Variants in WDFY1 observed in about 807,000 individuals in gnomAD.
WDFY1 encodes the protein WD repeat and FYVE domain-containing protein 1.
Under a neutral mutation model 56.4 loss-of-function variants are expected in WDFY1, and 32 were observed. That is an observed-to-expected ratio of 0.57 (90% CI 0.43 to 0.76). The LOEUF (loss-of-function observed/expected upper bound fraction) is 0.76, where lower values mean the gene tolerates loss of function less well. Among genes scored for constraint, WDFY1 ranks in the 30% least tolerant of loss-of-function variants. The pLI is 0.00. For synonymous variants in WDFY1, 192 were observed against 197.3 expected (o/e 0.97, Z 0.23); for missense variants, 480 against 545.7 (o/e 0.88, Z 1.20).
rs1177844633 is a variant in WDFY1 at position 223,888,094 on chromosome 2, T to C, written c.832-3345A>G. Among the ~76,000 whole-genome samples, 3 of 152,180 alleles carry C rather than the reference T, an allele frequency of 2.0e-5. No homozygotes were observed. The East Asian group carries it at 5.8e-4, about 29-fold the overall frequency. ...TAAATTACATTAAATTTACACTTTT[T>C]TTTTTGAGACAGGGTCTCGCTTTGT... On this transcript the variant is annotated intron_variant, in intron 8 of 11. Transcript: ENST00000233055.
chr2:223,894,643 A>G (rs1049932203), intron 7 of WDFY1, among the ~76,000 whole-genome samples: 4 of 152,210 alleles, frequency 2.6e-5, no homozygotes, highest in African/African-American at 7.2e-5. Context: ...TTTCAGATGC[A>G]TAAGATTTAC....
chr2:223,897,351 C>CATATATATATATATAT (rs1194128689), intron 6 of WDFY1, among the ~76,000 whole-genome samples: 6 of 53,676 alleles, frequency 1.1e-4, no homozygotes, highest in East Asian at 5.7e-4. Context: ...CTAAATTTCG[C>CATATATATATATATAT]ATATATATAT....
intron 8 of WDFY1, among the ~76,000 whole-genome samples, chr2:223,888,750 C>G (rs532304408): frequency 1.3e-5 from 2 of 151,218 alleles, no homozygotes. Context: ...CCACACCCAG[C>G]TATTTTTTTG....
rs1001730165 is a variant in WDFY1, at chr2:223,907,287, T to C, written c.280-1286A>G. On this transcript the variant is annotated intron_variant, in intron 3 of 11. Coordinates refer to ENST00000233055, the MANE Select transcript of WDFY1 (RefSeq NM_020830.5). Reference sequence around the variant, plus strand: ...CCACCGTGCCCAGCCAAGAATACTATTATTGATCAATGCTAAATTGACATG... The same window carrying C: ...CCACCGTGCCCAGCCAAGAATACTACTATTGATCAATGCTAAATTGACATG... Among the ~76,000 whole-genome samples, 7 of 152,258 alleles carry C rather than the reference T, an allele frequency of 4.6e-5. 1 individual carries two copies. The South Asian group carries it at 1.5e-3, about 32-fold the overall frequency.
At chr2:223,943,262 G>C (rs968798548) in intron 1 of WDFY1, among the ~76,000 whole-genome samples, 5 of 150,858 alleles carry the variant, frequency 3.3e-5, no homozygotes, top group Non-Finnish European at 5.9e-5. Context: ...TCATGCACTC[G>C]ATCTCTCTCA....
chr2:223,905,961 A>G lies in WDFY1; in HGVS notation c.320T>C (p.Ile107Thr). The change falls in exon 4 of 12, where the codon ATC becomes ACC. Residue 107 changes from isoleucine to threonine, a missense_variant. Coordinates refer to ENST00000233055, the MANE Select transcript of WDFY1 (RefSeq NM_020830.5). ...VSEDFNKMNF[I>T]KTYPAHQNRV... ...ATTATAATTACCTGGGTAGGTCTTG[A>G]TAAAGTTCATTTTATTAAAATCTTC... 1 of 1,579,958 alleles carries G rather than the reference A, an allele frequency of 6.3e-7. No homozygotes were observed. The highest frequency in any genetic ancestry group is 1.2e-5 in the South Asian group (1 of 84,634).
intron 2 of WDFY1, among the ~76,000 whole-genome samples, chr2:223,916,909 G>C (rs556177155): frequency 1.3e-5 from 2 of 151,906 alleles, no homozygotes; most frequent in South Asian, 4.2e-4. Context: ...CTGCTTCCCG[G>C]ATTGAAGCGA....
intron 1 of WDFY1, among the ~76,000 whole-genome samples, chr2:223,926,651 C>T (rs12619790): frequency 0.85 from 125,519 of 148,540 alleles, 52,935 homozygotes; most frequent in Non-Finnish European, 0.92. Context: ...CAAATATGTG[C>T]GTGTGTGTGT....
intron 9 of WDFY1, among the ~76,000 whole-genome samples, chr2:223,883,898 G>A (rs776417602): frequency 1.3e-5 from 2 of 151,986 alleles, no homozygotes. Context: ...CACCTGCCTC[G>A]GCCTCCCAAA....
chr2:223,912,977 T>C (rs1693729302), intron 2 of WDFY1, among the ~76,000 whole-genome samples: 1 of 152,170 alleles, frequency 6.6e-6, no homozygotes, highest in Admixed American at 6.5e-5. Context: ...TGGGTTTGTT[T>C]CAGCCTAAGG....
At chr2:223,909,463 C>G (rs1291385405) in intron 3 of WDFY1, among the ~76,000 whole-genome samples, 1 of 152,072 alleles carries the variant, frequency 6.6e-6, no homozygotes, top group Non-Finnish European at 1.5e-5. Context: ...ATTCTTGTGG[C>G]TTGAAAAATG....
In WDFY1 at chr2:223,903,661, T is replaced by A. The variant is rs868043455; in HGVS notation, c.334+2286A>T. 1.8e-3 allele frequency among the ~76,000 whole-genome samples: 260 copies of A among 146,988 alleles called. 4 individuals are homozygous for A. Among genetic ancestry groups the A allele is most frequent in the East Asian group, 6.5e-3 (33 of 5,084 alleles). The stretch of plus-strand genomic sequence containing the variant: ...CACACGTTTTTTGTTTTTTTTTTTT[T>A]AAAAAAAGGGACAGGATCTCACTCT... On this transcript the variant is annotated intron_variant, in intron 4 of 11. Transcript: ENST00000233055.
intron 4 of WDFY1, among the ~76,000 whole-genome samples, chr2:223,901,984 T>C (rs1018940996): frequency 6.6e-6 from 1 of 152,212 alleles, no homozygotes; most frequent in Non-Finnish European, 1.5e-5. Context: ...CCAGGTCAAT[T>C]ATAAGCCACA....
chr2:223,936,682 C>T (rs1308625912), intron 1 of WDFY1, among the ~76,000 whole-genome samples: 1 of 152,266 alleles, frequency 6.6e-6, no homozygotes, highest in East Asian at 1.9e-4. Context: ...CAGAGGGGAC[C>T]TCACCATTCC....
intron 1 of WDFY1, among the ~76,000 whole-genome samples, chr2:223,923,692 C>T (rs1030469278): frequency 1.3e-5 from 2 of 152,042 alleles, no homozygotes; most frequent in Non-Finnish European, 2.9e-5. Context: ...ACCTGGGAGG[C>T]GGAGCTTGCA....
intron 4 of WDFY1, among the ~76,000 whole-genome samples, chr2:223,902,628 A>G (rs576478686): frequency 1.3e-5 from 2 of 152,276 alleles, no homozygotes; most frequent in East Asian, 3.9e-4. Flanking sequence ...ATATCTCATA[A>G]GATCTGTCTC....
At chr2:223,897,373 TATATA>T (rs1286771234) in intron 6 of WDFY1, among the ~76,000 whole-genome samples, 1,158 of 37,824 alleles carry the variant, frequency 0.031, 57 homozygotes, top group South Asian at 0.12. Context: ...TATATATATA[TATATA>T]TATATATATA....
At chr2:223,923,835 A>G (rs1361404231) in intron 1 of WDFY1, among the ~76,000 whole-genome samples, 1 of 152,208 alleles carries the variant, frequency 6.6e-6, no homozygotes, top group African/African-American at 2.4e-5. Context: ...TTTTGTATAA[A>G]TCACAATATT....
intron 2 of WDFY1, among the ~76,000 whole-genome samples, chr2:223,914,916 T>C (rs1218765224): frequency 3.9e-5 from 6 of 152,144 alleles, no homozygotes; most frequent in African/African-American, 9.7e-5. Flanking sequence ...GGACTGCATA[T>C]AGCAATATAC....
Sources: gnomAD v4.1 joint callset for allele counts (sites outside exome capture counted in the v4.1 genomes callset) on GRCh38, gnomAD v4.1.1 for gene constraint, MANE v1.5 for transcripts, NCBI Gene and HGNC (gene_info 2026-07-23, HGNC 2026-07-21) for gene names.